Variants in FSHR observed in about 807,000 individuals in gnomAD.
The protein encoded by FSHR is follicle-stimulating hormone receptor.
Under a neutral mutation model 52.1 loss-of-function variants are expected in FSHR, and 46 were observed. That is an observed-to-expected ratio of 0.88 (90% CI 0.70 to 1.13). The LOEUF (loss-of-function observed/expected upper bound fraction) is 1.13. Ranked by LOEUF, FSHR falls within the 50% of genes most tolerant of loss-of-function variation. The pLI, the probability that FSHR is intolerant of heterozygous loss-of-function variation, is 0.00. For synonymous variants in FSHR, 399 were observed against 309.6 expected, an observed-to-expected ratio of 1.29 and a Z score of -3.03; for missense variants, 964 against 834.6, an observed-to-expected ratio of 1.16 and a Z score of -1.91.
chr2:48,964,104 G>C, intron 9 of FSHR, 138 bp from the exon 10 acceptor site: 2 of 730,084 alleles, frequency 2.7e-6, no homozygotes, highest in Non-Finnish European at 4.5e-6. Context: ...ACCTGCCCTT[G>C]AGGCTAACCT....
At chr2:49,077,736 C>T (rs1670000219) in intron 1 of FSHR, among the ~76,000 whole-genome samples, 1 of 152,142 alleles carries the variant, frequency 6.6e-6, no homozygotes, top group Admixed American at 6.5e-5. Context: ...ATTTCTTCCA[C>T]CAGATACCCT....
At chr2:49,120,692 T>C (rs1380463362) in intron 1 of FSHR, among the ~76,000 whole-genome samples, 1 of 142,638 alleles carries the variant, frequency 7.0e-6, no homozygotes, top group Non-Finnish European at 1.5e-5. Context: ...ATACCAATTA[T>C]ACTTTGGACA....
chr2:49,144,832 T>C (rs1672812626), intron 1 of FSHR, among the ~76,000 whole-genome samples: 1 of 152,090 alleles, frequency 6.6e-6, no homozygotes, highest in Admixed American at 6.6e-5. Flanking sequence ...TTCTTTTGCA[T>C]TTAATTTGTT....
At chr2:49,035,916 A>C (rs934839922) in intron 2 of FSHR, among the ~76,000 whole-genome samples, 3 of 152,250 alleles carry the variant, frequency 2.0e-5, no homozygotes, top group African/African-American at 7.2e-5. Flanking sequence ...CATAAGATGC[A>C]GAACTTAGTA....
At chr2:49,111,303 C>T (rs1057372232) in intron 1 of FSHR, among the ~76,000 whole-genome samples, 4 of 152,122 alleles carry the variant, frequency 2.6e-5, no homozygotes, top group East Asian at 3.9e-4. Flanking sequence ...GTGAGGGAAA[C>T]AGGTGAGGGA....
chr2:49,016,546 T>C (rs1312210730), intron 4 of FSHR, among the ~76,000 whole-genome samples: 3 of 152,140 alleles, frequency 2.0e-5, no homozygotes, highest in African/African-American at 7.2e-5. Flanking sequence ...GTCATCCCAA[T>C]TGAGGCCATC....
At chr2:49,015,910 A>G (rs149744942) in intron 4 of FSHR, among the ~76,000 whole-genome samples, 1 of 152,288 alleles carries the variant, frequency 6.6e-6, no homozygotes, top group East Asian at 1.9e-4. Context: ...GCCCTATACA[A>G]CTGCACTTGT....
intron 3 of FSHR, among the ~76,000 whole-genome samples, chr2:49,019,835 G>A (rs1198772224): frequency 1.3e-5 from 2 of 152,194 alleles, no homozygotes; most frequent in Non-Finnish European, 2.9e-5. Flanking sequence ...TAGTCACTGG[G>A]CAAAGTTCTT....
At chr2:49,085,969 G>C (rs993261359) in intron 1 of FSHR, among the ~76,000 whole-genome samples, 11 of 151,598 alleles carry the variant, frequency 7.3e-5, no homozygotes, top group South Asian at 2.1e-4. Flanking sequence ...TGTTGTGGGG[G>C]GGGGGAGTGG....
intron 1 of FSHR, among the ~76,000 whole-genome samples, chr2:49,092,083 G>T (rs181416238): frequency 6.6e-6 from 1 of 152,132 alleles, no homozygotes; most frequent in Non-Finnish European, 1.5e-5. Flanking sequence ...TACAGATCCT[G>T]TATCTATTTT....
chr2:48,997,380 C>G (rs1676069666), intron 4 of FSHR: 8 of 984,896 alleles, frequency 8.1e-6, no homozygotes, highest in Non-Finnish European at 9.6e-6. Context: ...TTAAGGAGCT[C>G]AAGGGTAACA....
chr2:49,154,077 C>G (rs944430141), intron 1 of FSHR, among the ~76,000 whole-genome samples, 189 bp downstream of exon 1: 2 of 152,144 alleles, frequency 1.3e-5, no homozygotes, highest in Non-Finnish European at 2.9e-5. Flanking sequence ...GATACAAACT[C>G]TCATCTAAGA....
intron 3 of FSHR, among the ~76,000 whole-genome samples, chr2:49,017,877 T>A (rs1667545973): frequency 6.6e-6 from 1 of 152,246 alleles, no homozygotes; most frequent in Admixed American, 6.5e-5. Flanking sequence ...CAGAGCTGCA[T>A]CTTTAACCAG....
chr2:49,099,601 A>T (rs2103718290), intron 1 of FSHR, among the ~76,000 whole-genome samples: 1 of 152,274 alleles, frequency 6.6e-6, no homozygotes, highest in East Asian at 1.9e-4. Flanking sequence ...GTGGGCCCTA[A>T]TCCAATATGA....
At chr2:49,092,576 C>T (rs1019639763) in intron 1 of FSHR, among the ~76,000 whole-genome samples, 9 of 152,120 alleles carry the variant, frequency 5.9e-5, no homozygotes, top group African/African-American at 1.7e-4. Context: ...GTTTTATCTT[C>T]TTTAATTGAT....
At chr2:49,127,809 T>TTCA (rs1672081933) in intron 1 of FSHR, among the ~76,000 whole-genome samples, 1 of 56,674 alleles carries the variant, frequency 1.8e-5, no homozygotes, top group African/African-American at 7.4e-5. Flanking sequence ...CTTCTTCTTC[T>TTCA]TCTTCTTCTT....
At chr2:49,134,039 GA>G (rs1672396579) in intron 1 of FSHR, among the ~76,000 whole-genome samples, 1 of 152,032 alleles carries the variant, frequency 6.6e-6, no homozygotes, top group South Asian at 2.1e-4. Context: ...CACCAAAAGC[GA>G]TGGCAACAAA....
chr2:49,083,965 G>C (rs1670273086), intron 1 of FSHR, among the ~76,000 whole-genome samples: 1 of 151,790 alleles, frequency 6.6e-6, no homozygotes, highest in Non-Finnish European at 1.5e-5. Context: ...GGATACCCAG[G>C]AATTGAACTC....
chr2:49,093,760 A>G lies in FSHR; in HGVS notation c.153-25470T>C, dbSNP rs1670709345. Among the ~76,000 whole-genome samples, 2 of 151,780 alleles carry G rather than the reference A, an allele frequency of 1.3e-5. 1 individual carries two copies. Among genetic ancestry groups the G allele is most frequent in the South Asian group, 4.2e-4 (2 of 4,810 alleles). ...CAGGCGTGCACCACCACGCCTGGCT[A>G]ATTTTTAAATATTTTTAGTAGAGAC... On this transcript the variant is annotated intron_variant, in intron 1 of 9. Transcript: ENST00000406846.
Sources: gnomAD v4.1 joint callset for allele counts (sites outside exome capture counted in the v4.1 genomes callset) on GRCh38, gnomAD v4.1.1 for gene constraint, MANE v1.5 for transcripts, NCBI Gene and HGNC (gene_info 2026-07-23, HGNC 2026-07-21) for gene names.